MZT1: variants seen among roughly 807,000 people sequenced by gnomAD.
The protein encoded by MZT1 is mitotic spindle organizing protein 1.
A neutral mutation model predicts 8.5 loss-of-function variants in MZT1; 8 were observed. The observed-to-expected ratio is 0.94, with a 90% CI of 0.55 to 1.70. MZT1 has a LOEUF of 1.70. Ranked by LOEUF, MZT1 falls within the 40% of genes most tolerant of loss-of-function variation. MZT1 has a pLI of 0.00. For missense variants in MZT1, 93 were observed against 108.6 expected (o/e 0.86, Z 0.64); for synonymous variants, 38 against 42.0 (o/e 0.90, Z 0.37).
chr13:72,716,786 G>A (rs547775425), intron 2 of MZT1, among the ~76,000 whole-genome samples: 16 of 152,318 alleles, frequency 1.1e-4, no homozygotes, highest in Non-Finnish European at 2.1e-4. Flanking sequence ...TTGCCAATCT[G>A]AGCAATTAAA....
intron 2 of MZT1, among the ~76,000 whole-genome samples, chr13:72,716,049 C>CT (rs2032532074): frequency 6.6e-6 from 1 of 152,008 alleles, no homozygotes; most frequent in Admixed American, 6.6e-5. Flanking sequence ...TCCCGAGCAG[C>CT]TGGGATTACA....
chr13:72,727,448 C>T, intron 1 of MZT1, 76 bp downstream of exon 1: 1 of 1,462,712 alleles, frequency 6.8e-7, no homozygotes, highest in Non-Finnish European at 9.6e-7. Flanking sequence ...CTGAAGTCCT[C>T]CCCAGGCTCA....
Position 72,710,272 on chromosome 13 carries a change from C to T in MZT1, c.*50G>A. 6.2e-7 allele frequency: 1 copy of T among 1,600,020 alleles called. No homozygotes were observed. The highest frequency in any genetic ancestry group is 8.6e-7 in the Non-Finnish European group (1 of 1,168,516). On this transcript the variant is annotated 3_prime_UTR_variant, in exon 3 of 3. Coordinates refer to ENST00000377818, the MANE Select transcript of MZT1 (RefSeq NM_001071775.3). ...ACATTCTCAACTACAATGCAATCTT[C>T]AAACCCTCTTGCAGAGCTTGACATA... is the stretch of plus-strand genomic sequence containing the variant.
chr13:72,720,554 C>T (rs1201804666), intron 1 of MZT1, among the ~76,000 whole-genome samples: 1 of 152,140 alleles, frequency 6.6e-6, no homozygotes, highest in East Asian at 1.9e-4. Flanking sequence ...AGATAGGTCC[C>T]TCCCATTTCT....
intron 2 of MZT1, 126 bp from the exon 3 acceptor site, chr13:72,710,471 T>C (rs2032478036): frequency 3.6e-6 from 3 of 828,666 alleles, no homozygotes; most frequent in Non-Finnish European, 4.1e-6. Context: ...ACCACTTTTA[T>C]CACAGTAATG....
intron 1 of MZT1, among the ~76,000 whole-genome samples, chr13:72,720,332 T>G (rs1305522088): frequency 6.6e-6 from 1 of 152,240 alleles, no homozygotes; most frequent in Admixed American, 6.5e-5. Context: ...AACATTCCGT[T>G]GTCATCTTTC....
intron 2 of MZT1, 86 bp downstream of exon 2, chr13:72,718,866 C>T: frequency 7.6e-7 from 1 of 1,309,536 alleles, no homozygotes; most frequent in Non-Finnish European, 1.0e-6. Flanking sequence ...CCTTGTTTAA[C>T]CAGGATGTTT....
Position 72,713,460 on chromosome 13 carries a change from A to C in MZT1, c.226-3115T>G, listed in dbSNP as rs899938226. Reference sequence around the variant, plus strand: ...TTATATAAAAGGGTATAGTATTTGCATATAACCTACATGTATCCTCCCACA... The same window carrying C: ...TTATATAAAAGGGTATAGTATTTGCCTATAACCTACATGTATCCTCCCACA... On this transcript the variant is annotated intron_variant, in intron 2 of 2. Transcript: ENST00000377818. Among the ~76,000 whole-genome samples, 35 of 152,216 alleles carry C rather than the reference A, an allele frequency of 2.3e-4. 1 individual carries two copies. The highest frequency in any genetic ancestry group is 1.6e-4 in the Non-Finnish European group (11 of 68,036).
intron 2 of MZT1, among the ~76,000 whole-genome samples, chr13:72,714,008 T>C (rs1201889377): frequency 2.0e-5 from 3 of 152,202 alleles, no homozygotes; most frequent in Non-Finnish European, 4.4e-5. Flanking sequence ...AAAAGAAACT[T>C]CCCTATCTAA....
At chr13:72,714,032 G>C (rs535683822) in intron 2 of MZT1, among the ~76,000 whole-genome samples, 1 of 152,352 alleles carries the variant, frequency 6.6e-6, no homozygotes, top group South Asian at 2.1e-4. Context: ...GGAGACAAGT[G>C]CTGATAGCCA....
chr13:72,720,016 A>G (rs9318117), intron 1 of MZT1, among the ~76,000 whole-genome samples: 134,290 of 152,200 alleles, frequency 0.88, 61,277 homozygotes, highest in Non-Finnish European at 0.99. Context: ...TGCTTAGAAA[A>G]TTATTCCCCA....
intron 1 of MZT1, among the ~76,000 whole-genome samples, chr13:72,727,312 C>T (rs1201313457): frequency 6.6e-6 from 1 of 152,230 alleles, no homozygotes; most frequent in Non-Finnish European, 1.5e-5. Context: ...GGCCGCAACG[C>T]CTAGCGCGCG....
chr13:72,723,963 CATCA>C (rs138716916), intron 1 of MZT1, among the ~76,000 whole-genome samples: 1,739 of 152,276 alleles, frequency 0.011, 36 homozygotes, highest in African/African-American at 0.039. Context: ...TACACTTAGA[CATCA>C]AAAGTGAGTA....
intron 2 of MZT1, among the ~76,000 whole-genome samples, chr13:72,716,079 G>T (rs1044588903): frequency 6.6e-6 from 1 of 152,060 alleles, no homozygotes; most frequent in East Asian, 1.9e-4. Context: ...ATAATGCCTG[G>T]CTAATTTTTT....
At position 72,709,306 on chromosome 13, in the gene MZT1, C is replaced by A. The variant is rs1392133497; in HGVS notation, c.*1016G>T. ...AAAAAATAGCAAGTATCCTTTGAAA[C>A]ACATCACCCATCTAATAAGATTGTT... On this transcript the variant is annotated 3_prime_UTR_variant, in exon 3 of 3. Coordinates refer to ENST00000377818, the MANE Select transcript of MZT1 (RefSeq NM_001071775.3). 1 of 151,848 alleles carries A rather than the reference C, an allele frequency of 6.6e-6. No individual in the cohort carries two copies. The highest frequency in any genetic ancestry group is 1.5e-5 in the Non-Finnish European group (1 of 67,852). 9.4% of individuals were successfully genotyped at this position (151,848 alleles called of 1,614,324 possible). A position where few individuals can be genotyped will look rare whatever the true frequency, so the allele number is the denominator to read the frequency against.
chr13:72,710,427 G>C (rs903972951), intron 2 of MZT1, 82 bp from the exon 3 acceptor site: 6 of 1,242,464 alleles, frequency 4.8e-6, no homozygotes, highest in African/African-American at 3.0e-5. Flanking sequence ...ATACTGCACT[G>C]TCATTAACAA....
intron 1 of MZT1, 72 bp from the exon 2 acceptor site, chr13:72,719,169 T>C: frequency 1.7e-6 from 2 of 1,211,188 alleles, no homozygotes; most frequent in East Asian, 5.2e-5. Flanking sequence ...AGTACTTTCA[T>C]TAATTTATAT....
rs186781027 is a variant in MZT1, at chr13:72,718,871, A to C, written c.225+81T>G. ...GTTAGTTTAACCTTGTTTAACCAGG[A>C]TGTTTCCCATAACTTCATCATTAAT... On this transcript the variant is annotated intron_variant, in intron 2 of 2. Coordinates refer to ENST00000377818, the MANE Select transcript of MZT1 (RefSeq NM_001071775.3). 3.2e-4 allele frequency: 421 copies of C among 1,335,018 alleles called. 3 individuals are homozygous for C. In the Admixed American group the frequency reaches 9.8e-3, roughly 31 times the overall value. The allele number at this position is 1,335,018 out of a possible 1,614,324, so 82.7% of individuals were successfully genotyped here.
At chr13:72,711,056 A>G (rs1017267433) in intron 2 of MZT1, among the ~76,000 whole-genome samples, 1 of 152,184 alleles carries the variant, frequency 6.6e-6, no homozygotes, top group African/African-American at 2.4e-5. Context: ...GATTTACACT[A>G]AAGTATTAGT....
Sources: gnomAD v4.1 joint callset for allele counts (sites outside exome capture counted in the v4.1 genomes callset) on GRCh38, gnomAD v4.1.1 for gene constraint, MANE v1.5 for transcripts, NCBI Gene and HGNC (gene_info 2026-07-23, HGNC 2026-07-21) for gene names.